SGCD: variants seen among roughly 807,000 people sequenced by gnomAD.
SGCD encodes the protein sarcoglycan delta.
A neutral mutation model predicts 36.6 loss-of-function variants in SGCD; 18 were observed. The ratio of observed to expected loss-of-function variants is 0.49; its 90% CI spans 0.34 to 0.73. The LOEUF (loss-of-function observed/expected upper bound fraction) is 0.73, where lower values mean the gene tolerates loss of function less well. SGCD is among the 30% of genes least tolerant of loss of function. The pLI, the probability that SGCD is intolerant of heterozygous loss-of-function variation, is 0.01. For synonymous variants in SGCD, 133 were observed against 130.6 expected (o/e 1.02, Z -0.12); for missense variants, 387 against 346.7 (o/e 1.12, Z -0.92).
chr5:156,369,267 T>C (rs1770265069), intron 3 of SGCD, among the ~76,000 whole-genome samples: 1 of 152,238 alleles, frequency 6.6e-6, no homozygotes, highest in African/African-American at 2.4e-5. Context: ...GTGTTGTTTT[T>C]CTTTATGTCC....
At chr5:156,276,791 G>A (rs1010344564) in intron 3 of SGCD, among the ~76,000 whole-genome samples, 1 of 152,092 alleles carries the variant, frequency 6.6e-6, no homozygotes, top group Non-Finnish European at 1.5e-5. Context: ...TAATAAAAAT[G>A]TATACATTAG....
At chr5:156,714,346 T>C (rs925655025) in intron 7 of SGCD, among the ~76,000 whole-genome samples, 1 of 152,232 alleles carries the variant, frequency 6.6e-6, no homozygotes, top group African/African-American at 2.4e-5. Context: ...CCCCCAACTA[T>C]AGTCCTGAAG....
intron 4 of SGCD, among the ~76,000 whole-genome samples, chr5:156,574,647 G>T (rs1401414875): frequency 6.6e-6 from 1 of 151,950 alleles, no homozygotes. Context: ...GTGTTATTCT[G>T]ATTTTTTAAG....
chr5:155,871,566 T>A lies in SGCD; in HGVS notation c.-282+1142T>A, dbSNP rs557764487. 2.2e-4 allele frequency among the ~76,000 whole-genome samples: 33 copies of A among 152,244 alleles called. No individual in the cohort carries two copies. In the South Asian group the frequency reaches 6.6e-3, roughly 31 times the overall value. On this transcript the variant is annotated intron_variant, in intron 1 of 9. Coordinates refer to the SGCD transcript ENST00000517913. The stretch of plus-strand genomic sequence containing the variant: ...TGTTCACTGGACTGTAGGCCAGTGC[T>A]AGGGAGCAAAATGTCCTGGGACTGC...
chr5:155,844,735 G>A, the SGCD span, among the ~76,000 whole-genome samples: 2,839 of 152,218 alleles, frequency 0.019, 63 homozygotes, highest in East Asian at 0.13. Flanking sequence ...GAAAGACAGT[G>A]AGTGACTCAC....
At chr5:156,466,535 G>A (rs1754727365) in intron 3 of SGCD, among the ~76,000 whole-genome samples, 1 of 152,140 alleles carries the variant, frequency 6.6e-6, no homozygotes, top group African/African-American at 2.4e-5. Context: ...CAGAGAGAAT[G>A]TGTGGGAAAG....
chr5:156,456,548 T>C (rs1754270965), intron 3 of SGCD, among the ~76,000 whole-genome samples: 1 of 152,190 alleles, frequency 6.6e-6, no homozygotes, highest in Non-Finnish European at 1.5e-5. Flanking sequence ...AGAAAGAGTT[T>C]AGAAGTCTCA....
chr5:156,019,550 GT>G (rs1443760528), intron 1 of SGCD, among the ~76,000 whole-genome samples: 1 of 152,182 alleles, frequency 6.6e-6, no homozygotes, highest in Non-Finnish European at 1.5e-5. Flanking sequence ...ATTTTGGGGT[GT>G]GTGGAACATC....
chr5:156,456,590 T>C (rs1359786171), intron 3 of SGCD, among the ~76,000 whole-genome samples: 1 of 152,104 alleles, frequency 6.6e-6, no homozygotes, highest in East Asian at 1.9e-4. Flanking sequence ...TATAGCAAAG[T>C]GCAAAAGAAC....
At chr5:156,719,719 C>T (rs1483144553) in intron 7 of SGCD, among the ~76,000 whole-genome samples, 3 of 152,024 alleles carry the variant, frequency 2.0e-5, no homozygotes, top group Non-Finnish European at 4.4e-5. Context: ...GTTCCCAGAA[C>T]ATCCACTAGT....
the SGCD span, among the ~76,000 whole-genome samples, chr5:155,751,155 G>A: frequency 1.3e-5 from 2 of 152,124 alleles, no homozygotes; most frequent in Admixed American, 6.6e-5. Context: ...AGTGAGTAAC[G>A]GATGCATTTA....
intron 3 of SGCD, among the ~76,000 whole-genome samples, chr5:156,474,094 C>T (rs1167927563): frequency 6.6e-6 from 1 of 151,908 alleles, no homozygotes; most frequent in Non-Finnish European, 1.5e-5. Flanking sequence ...TCCCACAAGA[C>T]ACTTGGCCTG....
chr5:156,122,488 G>C (rs1021521078), intron 2 of SGCD, among the ~76,000 whole-genome samples: 4 of 152,068 alleles, frequency 2.6e-5, no homozygotes, highest in Non-Finnish European at 5.9e-5. Context: ...GCAAAGACGT[G>C]AAACAGTGAG....
chr5:156,040,183 C>T (rs777766052), intron 1 of SGCD, among the ~76,000 whole-genome samples: 1 of 152,134 alleles, frequency 6.6e-6, no homozygotes, highest in Non-Finnish European at 1.5e-5. Context: ...TGCTTCACCC[C>T]TTGCATATTC....
chr5:156,427,819 C>T (rs1053361001), intron 3 of SGCD, among the ~76,000 whole-genome samples: 2 of 152,160 alleles, frequency 1.3e-5, no homozygotes, highest in Non-Finnish European at 2.9e-5. Context: ...TTTTAATTCT[C>T]TTTATGTGAT....
intron 3 of SGCD, among the ~76,000 whole-genome samples, chr5:156,349,596 A>G (rs547547808): frequency 6.6e-6 from 1 of 152,174 alleles, no homozygotes; most frequent in South Asian, 2.1e-4. Context: ...AAAAAAATAG[A>G]TGTTGGTTTG....
In SGCD at chr5:156,766,054, C is replaced by T. The variant is rs1010222786; in HGVS notation, c.*6664C>T. On this transcript the variant is annotated 3_prime_UTR_variant, in exon 9 of 9. Coordinates refer to ENST00000337851, the MANE Select transcript of SGCD (RefSeq NM_000337.6). Reference sequence around the variant, plus strand: ...AAGCTTAAAAAAAAAAAAAAAAGACCGGAAAATACCTGGGTTGTTAGCCTC... The same window carrying T: ...AAGCTTAAAAAAAAAAAAAAAAGACTGGAAAATACCTGGGTTGTTAGCCTC... The T allele has an allele frequency of 6.2e-5, 9 of 145,566 alleles. No homozygotes were observed. Among genetic ancestry groups the T allele is most frequent in the African/African-American group, 1.3e-4 (5 of 37,756 alleles). The allele number at this position is 145,566 out of a possible 1,614,324, so 9.0% of individuals were successfully genotyped here.
At chr5:156,421,863 C>T (rs980177745) in intron 3 of SGCD, among the ~76,000 whole-genome samples, 5 of 152,162 alleles carry the variant, frequency 3.3e-5, no homozygotes, top group African/African-American at 1.2e-4. Flanking sequence ...TGAGCCTTTA[C>T]CGGGCATGGC....
At chr5:156,606,085 A>G (rs920989118) in intron 6 of SGCD, among the ~76,000 whole-genome samples, 8 of 152,114 alleles carry the variant, frequency 5.3e-5, no homozygotes, top group African/African-American at 1.9e-4. Context: ...TTTTGTTGCC[A>G]TTGCTTTTGG....
Sources: gnomAD v4.1 joint callset for allele counts (sites outside exome capture counted in the v4.1 genomes callset) on GRCh38, gnomAD v4.1.1 for gene constraint, MANE v1.5 for transcripts, NCBI Gene and HGNC (gene_info 2026-07-23, HGNC 2026-07-21) for gene names.